The following CTNNA2 variants were observed in gnomAD, a reference collection of about 807,000 sequenced individuals.
The protein encoded by CTNNA2 is catenin alpha 2.
Under a neutral mutation model 101.0 loss-of-function variants are expected in CTNNA2, and 42 were observed. The observed-to-expected ratio is 0.42, with a 90% CI of 0.32 to 0.54. The LOEUF (loss-of-function observed/expected upper bound fraction) is 0.54. Among genes scored for constraint, CTNNA2 ranks in the 20% least tolerant of loss-of-function variants. The probability of loss-of-function intolerance (pLI) is 0.14; values close to 1 mark genes in which losing one functional copy is unlikely to be tolerated. For synonymous variants in CTNNA2, 450 were observed against 456.4 expected (o/e 0.99, Z 0.18); for missense variants, 871 against 1,223.1 (o/e 0.71, Z 4.29).
At chr2:79,313,186 G>A (rs1474198299) in intron 3 of CTNNA2, among the ~76,000 whole-genome samples, 1 of 152,134 alleles carries the variant, frequency 6.6e-6, no homozygotes, top group East Asian at 1.9e-4. Flanking sequence ...GGAACAGACA[G>A]GCTTCATATG....
At position 80,210,483 on chromosome 2, in the gene CTNNA2, G is replaced by A. The variant is rs546449712; in HGVS notation, c.1057-182728G>A. ...GCAGTGTTTGATTTTCTGTCCTTGCGATAGTTTGCTGAGAATGATGGTTTC... is the reference window on the plus strand; with the variant it reads ...GCAGTGTTTGATTTTCTGTCCTTGCAATAGTTTGCTGAGAATGATGGTTTC... On this transcript the variant is annotated intron_variant, in intron 7 of 18. Transcript: ENST00000402739. Among the ~76,000 whole-genome samples the A allele has an allele frequency of 2.6e-5, 4 of 152,110 alleles. No individual in the cohort carries two copies. In the South Asian group the frequency reaches 6.2e-4, roughly 24 times the overall value.
At chr2:80,191,676 G>A (rs1264921630) in intron 7 of CTNNA2, among the ~76,000 whole-genome samples, 2 of 137,412 alleles carry the variant, frequency 1.5e-5, no homozygotes, top group Non-Finnish European at 1.5e-5. Context: ...AAAATATGAA[G>A]AGTAACAAAA....
chr2:80,311,373 T>G (rs1677567554), intron 7 of CTNNA2, among the ~76,000 whole-genome samples: 1 of 152,250 alleles, frequency 6.6e-6, no homozygotes, highest in Non-Finnish European at 1.5e-5. Context: ...ATACCATAAA[T>G]TAAAACATGT....
chr2:79,747,711 A>G (rs1011689816), intron 3 of CTNNA2, among the ~76,000 whole-genome samples: 1 of 152,192 alleles, frequency 6.6e-6, no homozygotes, highest in Non-Finnish European at 1.5e-5. Flanking sequence ...AGACTATCCT[A>G]GGAGTATTGG....
At chr2:80,305,417 G>A (rs1262259960) in intron 7 of CTNNA2, 2 of 975,804 alleles carry the variant, frequency 2.0e-6, no homozygotes, top group Non-Finnish European at 2.4e-6. Flanking sequence ...ATTAAAGAAC[G>A]ATTGTACTGT....
At chr2:80,491,452 A>G (rs1285050797) in intron 9 of CTNNA2, among the ~76,000 whole-genome samples, 1 of 152,228 alleles carries the variant, frequency 6.6e-6, no homozygotes, top group African/African-American at 2.4e-5. Flanking sequence ...GAATTTTGTC[A>G]TCTGAAAAAT....
At chr2:79,745,476 G>A (rs1671581730) in intron 3 of CTNNA2, among the ~76,000 whole-genome samples, 1 of 151,838 alleles carries the variant, frequency 6.6e-6, no homozygotes, top group Admixed American at 6.6e-5. Context: ...TTAACTACTT[G>A]TAAGTGTACA....
chr2:79,956,573 T>G (rs1689236330), intron 7 of CTNNA2, among the ~76,000 whole-genome samples: 1 of 152,174 alleles, frequency 6.6e-6, no homozygotes, highest in Admixed American at 6.5e-5. Flanking sequence ...TTCTAGGGGT[T>G]GAATAATGAA....
chr2:80,272,260 T>C (rs1673552305), intron 7 of CTNNA2, among the ~76,000 whole-genome samples: 1 of 152,186 alleles, frequency 6.6e-6, no homozygotes, highest in African/African-American at 2.4e-5. Flanking sequence ...ACTCAGGCAA[T>C]AATCTAGAAA....
At chr2:80,570,037 G>A (rs1694439198) in intron 12 of CTNNA2, among the ~76,000 whole-genome samples, 1 of 151,434 alleles carries the variant, frequency 6.6e-6, no homozygotes, top group Admixed American at 6.6e-5. Context: ...ATAAACTTTT[G>A]TTTTTATGTC....
intron 3 of CTNNA2, among the ~76,000 whole-genome samples, chr2:79,791,389 A>C (rs567943002): frequency 6.6e-6 from 1 of 152,224 alleles, no homozygotes; most frequent in East Asian, 1.9e-4. Flanking sequence ...CCAAGCCCCA[A>C]ATATTTTAAA....
At chr2:79,327,395 A>G (rs1573081589) in intron 3 of CTNNA2, among the ~76,000 whole-genome samples, 2 of 152,328 alleles carry the variant, frequency 1.3e-5, no homozygotes, top group South Asian at 4.1e-4. Flanking sequence ...TTCAGAATTG[A>G]TGGCAGACTA....
chr2:79,705,117 G>C (rs138634346), intron 2 of CTNNA2, among the ~76,000 whole-genome samples: 1 of 152,048 alleles, frequency 6.6e-6, no homozygotes, highest in Non-Finnish European at 1.5e-5. Flanking sequence ...CCTATCATGC[G>C]CTGGACGGTT....
intron 3 of CTNNA2, among the ~76,000 whole-genome samples, chr2:79,344,681 TG>T (rs1677214849): frequency 6.6e-6 from 1 of 151,778 alleles, no homozygotes; most frequent in Non-Finnish European, 1.5e-5. Flanking sequence ...AAGAGCATAA[TG>T]TTTTTTAAAA....
At chr2:80,615,047 A>G (rs1489083795) in intron 17 of CTNNA2, among the ~76,000 whole-genome samples, 2 of 151,404 alleles carry the variant, frequency 1.3e-5, no homozygotes, top group Non-Finnish European at 3.0e-5. Context: ...TGAAGAAAAA[A>G]GTTGATATGT....
intron 1 of CTNNA2, among the ~76,000 whole-genome samples, chr2:79,537,798 T>G (rs920641323): frequency 1.5e-4 from 2 of 13,694 alleles, no homozygotes; most frequent in African/African-American, 5.8e-4. Flanking sequence ...TACTATGCCT[T>G]TTTTTTTTTT....
chr2:80,320,584 A>C (rs577033186), intron 7 of CTNNA2, among the ~76,000 whole-genome samples: 1 of 152,328 alleles, frequency 6.6e-6, no homozygotes, highest in Non-Finnish European at 1.5e-5. Flanking sequence ...TTAAATATCA[A>C]GTGTGGGATG....
intron 7 of CTNNA2, among the ~76,000 whole-genome samples, chr2:80,097,829 G>A (rs1253427431): frequency 1.3e-5 from 2 of 152,290 alleles, no homozygotes; most frequent in Non-Finnish European, 2.9e-5. Flanking sequence ...TCGTCACGTA[G>A]TTCTCGTGCC....
chr2:80,076,633 C>T (rs1698774212), intron 7 of CTNNA2, among the ~76,000 whole-genome samples: 1 of 151,670 alleles, frequency 6.6e-6, no homozygotes, highest in South Asian at 2.1e-4. Flanking sequence ...TTGCATATCA[C>T]TTTGCCCCTC....
Sources: gnomAD v4.1 joint callset for allele counts (sites outside exome capture counted in the v4.1 genomes callset) on GRCh38, gnomAD v4.1.1 for gene constraint, MANE v1.5 for transcripts, NCBI Gene and HGNC (gene_info 2026-07-23, HGNC 2026-07-21) for gene names.